The following ZNF680 variants were observed in gnomAD, a reference collection of about 807,000 sequenced individuals.
The protein encoded by ZNF680 is hypothetical protein FLJ90430.
Under a neutral mutation model 12.1 loss-of-function variants are expected in ZNF680, and 6 were observed. That is an observed-to-expected ratio of 0.49 (90% CI 0.27 to 0.98). ZNF680 has a LOEUF of 0.98. ZNF680 is among the 50% of genes least tolerant of loss of function. ZNF680 has a pLI of 0.12. For synonymous variants in ZNF680, 170 were observed against 199.3 expected, an observed-to-expected ratio of 0.85 and a Z score of 1.24; for missense variants, 561 against 616.3, an observed-to-expected ratio of 0.91 and a Z score of 0.95.
chr7:64,521,782 A>AC lies in ZNF680; in HGVS notation c.971dup (p.Cys324TrpfsTer2). ...GGTTAAAGTCTTTGCCACATTCTTC[A>AC]CATTTGAAGGGTTTCTCTCCAGTAT... is the stretch of plus-strand genomic sequence containing the variant. On this transcript the variant is annotated frameshift_variant, in exon 4 of 4. Transcript: ENST00000309683. LOFTEE classifies it low-confidence loss of function (END_TRUNC). 1 of 1,613,210 alleles carries AC rather than the reference A, an allele frequency of 6.2e-7. No individual in the cohort carries two copies. The highest frequency in any genetic ancestry group is 8.5e-7 in the Non-Finnish European group (1 of 1,179,734).
chr7:64,558,859 C>T (rs1358627573), intron 1 of ZNF680, among the ~76,000 whole-genome samples: 4 of 149,972 alleles, frequency 2.7e-5, no homozygotes, highest in African/African-American at 4.9e-5. Context: ...AAACACAAGT[C>T]GCAATAGGAT....
chr7:64,550,453 C>G (rs1253965237), intron 1 of ZNF680, among the ~76,000 whole-genome samples: 1 of 152,120 alleles, frequency 6.6e-6, no homozygotes, highest in Non-Finnish European at 1.5e-5. Flanking sequence ...ATCTCAAGAT[C>G]CCGATTCAGA....
the ZNF680 span, among the ~76,000 whole-genome samples, chr7:64,506,887 G>A: frequency 2.4e-4 from 36 of 152,078 alleles, no homozygotes; most frequent in African/African-American, 8.5e-4. Context: ...ATGTTATTAA[G>A]TTACTGTGAG....
chr7:64,524,409 C>T (rs1280001005), intron 3 of ZNF680, among the ~76,000 whole-genome samples: 1 of 152,050 alleles, frequency 6.6e-6, no homozygotes, highest in Admixed American at 6.6e-5. Context: ...GGATTATAGG[C>T]ATGAGCCACC....
Position 64,520,474 on chromosome 7 carries a change from G to C in ZNF680, c.*687C>G, listed in dbSNP as rs1336052763. The C allele has an allele frequency of 6.6e-6, 1 of 151,640 alleles. No homozygotes were observed. Among genetic ancestry groups the C allele is most frequent in the Non-Finnish European group, 1.5e-5 (1 of 67,720 alleles). The allele number at this position is 151,640 out of a possible 1,614,324, so 9.4% of individuals were successfully genotyped here. A position where few individuals can be genotyped will look rare whatever the true frequency, so the allele number is the denominator to read the frequency against. ...TTTTAGTGTAATGTCTAAAGTGTCA[G>C]TGCCTTAGTTATTTCTACTGTAAAT... On this transcript the variant is annotated 3_prime_UTR_variant, in exon 4 of 4. Transcript: ENST00000309683.
chr7:64,557,109 G>A (rs1787457324), intron 1 of ZNF680, among the ~76,000 whole-genome samples: 1 of 151,690 alleles, frequency 6.6e-6, no homozygotes, highest in African/African-American at 2.4e-5. Context: ...AAATTAGCCA[G>A]GCGTAGTGGC....
At chr7:64,546,334 C>T (rs926543737) in intron 1 of ZNF680, among the ~76,000 whole-genome samples, 15 of 152,230 alleles carry the variant, frequency 9.9e-5, no homozygotes, top group Non-Finnish European at 2.2e-4. Context: ...TGTTTACCTG[C>T]TACCACCACA....
At chr7:64,515,260 T>C (rs1378895926), downstream of ZNF680, among the ~76,000 whole-genome samples, 1 of 150,594 alleles carries the variant, frequency 6.6e-6, no homozygotes, top group Non-Finnish European at 1.5e-5. Context: ...AACAATATAG[T>C]TGTTTGCATC....
downstream of ZNF680, among the ~76,000 whole-genome samples, chr7:64,517,157 C>T (rs757679202): frequency 1.3e-5 from 2 of 151,940 alleles, no homozygotes; most frequent in Non-Finnish European, 2.9e-5. Context: ...ACAAATGAAA[C>T]ATAAACCTGG....
At chr7:64,510,316 C>T in the ZNF680 span, among the ~76,000 whole-genome samples, 1 of 151,706 alleles carries the variant, frequency 6.6e-6, no homozygotes, top group South Asian at 2.1e-4. Flanking sequence ...ACTGTCCTTG[C>T]TAAATCAAAA....
At position 64,558,774 on chromosome 7, in the gene ZNF680, AG is replaced by A. The variant is rs1277496212; in HGVS notation, c.30+4150del. Among the ~76,000 whole-genome samples, 5 of 151,936 alleles carry A rather than the reference AG, an allele frequency of 3.3e-5. No homozygotes were observed. In the East Asian group the frequency reaches 7.7e-4, roughly 23 times the overall value. ...AAAGATTGCAAAGTTTAGGCAGAAA[AG>A]GGGTTGCTTTTTTTTTTTTTCAATC... On this transcript the variant is annotated intron_variant, in intron 1 of 3. Coordinates refer to ENST00000309683, the MANE Select transcript of ZNF680 (RefSeq NM_178558.5).
At position 64,544,341 on chromosome 7, in the gene ZNF680, A is replaced by T. The variant is rs752259223; in HGVS notation, c.122T>A (p.Val41Glu). The T allele has an allele frequency of 1.2e-6, 2 of 1,604,204 alleles. No individual in the cohort carries two copies. Among genetic ancestry groups the T allele is most frequent in the South Asian group, 2.2e-5 (2 of 90,964 alleles). ...DTAQRNLYRK[V>E]MFENYRNLVF... ...CAGGTTTCTGTAGTTCTCAAACATC[A>T]CTTTCCTATATAAATTCCGTTGTGC... The change falls in exon 2 of 4, where the codon GTG becomes GAG. Residue 41 changes from valine to glutamate, a missense_variant. By Grantham distance (121) the Val-to-Glu change is moderately radical (BLOSUM62 -2). Transcript: ENST00000309683.
In ZNF680 at chr7:64,543,666, C is replaced by T. The variant is rs987032706; in HGVS notation, c.253+41G>A. On this transcript the variant is annotated intron_variant, in intron 3 of 3. Transcript: ENST00000309683. The stretch of plus-strand genomic sequence containing the variant: ...CTTTCTCTTTGACATCTGGACCTCT[C>T]ATCTGTGTCATCTGTTGTATTCACT... The T allele has an allele frequency of 3.3e-6, 5 of 1,518,066 alleles. No homozygotes were observed. In the South Asian group the frequency reaches 5.7e-5, roughly 17 times the overall value. The allele number at this position is 1,518,066 out of a possible 1,614,324, so 94.0% of individuals were successfully genotyped here. A position where few individuals can be genotyped will look rare whatever the true frequency, so the allele number is the denominator to read the frequency against.
At chr7:64,527,743 T>G (rs1484516966) in intron 3 of ZNF680, among the ~76,000 whole-genome samples, 1 of 151,330 alleles carries the variant, frequency 6.6e-6, no homozygotes, top group African/African-American at 2.4e-5. Context: ...CAAGGTGGGC[T>G]GATCAGTTGA....
intron 3 of ZNF680, among the ~76,000 whole-genome samples, chr7:64,532,073 A>C (rs977532187): frequency 6.6e-6 from 1 of 152,184 alleles, no homozygotes; most frequent in African/African-American, 2.4e-5. Context: ...TGGGAGGCCC[A>C]GGGGGGCAGA....
chr7:64,559,572 C>T (rs1457627469), intron 1 of ZNF680, among the ~76,000 whole-genome samples: 4 of 152,008 alleles, frequency 2.6e-5, no homozygotes, highest in Non-Finnish European at 5.9e-5. Context: ...CCTCTACCTC[C>T]TGGGTTCAAG....
At chr7:64,518,070 A>T (rs1257102985), downstream of ZNF680, among the ~76,000 whole-genome samples, 1 of 152,050 alleles carries the variant, frequency 6.6e-6, no homozygotes, top group African/African-American at 2.4e-5. Flanking sequence ...CATAGCACTG[A>T]AGTCCTAGCC....
chr7:64,511,520 T>TA, the ZNF680 span, among the ~76,000 whole-genome samples: 1 of 151,862 alleles, frequency 6.6e-6, no homozygotes, highest in Non-Finnish European at 1.5e-5. Context: ...CTCTAAAAAA[T>TA]AGTCTCTGGC....
the ZNF680 span, chr7:64,501,085 C>G: frequency 3.3e-6 from 3 of 922,884 alleles, no homozygotes; most frequent in South Asian, 4.3e-5. Flanking sequence ...GGCTGCAGAG[C>G]CAAAAGTGAA....
Sources: gnomAD v4.1 joint callset for allele counts (sites outside exome capture counted in the v4.1 genomes callset) on GRCh38, gnomAD v4.1.1 for gene constraint, MANE v1.5 for transcripts, NCBI Gene and HGNC (gene_info 2026-07-23, HGNC 2026-07-21) for gene names.